TJP1: variants seen among roughly 807,000 people sequenced by gnomAD.
TJP1 encodes the protein tight junction protein 1, also known as tight junction protein ZO-1.
In TJP1, 43 loss-of-function variants were observed where a neutral mutation model predicts 194.2. That is an observed-to-expected ratio of 0.22 (90% CI 0.17 to 0.29). TJP1 has a LOEUF of 0.29. TJP1 is among the 10% of genes least tolerant of loss of function. TJP1 has a pLI of 1.00. For missense variants in TJP1, 1,971 were observed against 2,185.7 expected (o/e 0.90, Z 1.96); for synonymous variants, 801 against 779.0 (o/e 1.03, Z -0.47).
At chr15:29,725,070 T>G (rs549580689) in intron 18 of TJP1, among the ~76,000 whole-genome samples, 1 of 152,350 alleles carries the variant, frequency 6.6e-6, no homozygotes, top group African/African-American at 2.4e-5. Context: ...AGAATTGTGT[T>G]GCTATAGAAG....
At chr15:29,705,782 A>G in intron 25 of TJP1, 37 bp from the exon 26 acceptor site, 3 of 1,581,324 alleles carry the variant, frequency 1.9e-6, no homozygotes, top group Non-Finnish European at 2.6e-6. Flanking sequence ...TGAATTCCTA[A>G]TAATACACAG....
At chr15:29,910,183 C>A (rs1015977047) in intron 2 of TJP1, among the ~76,000 whole-genome samples, 1 of 152,176 alleles carries the variant, frequency 6.6e-6, no homozygotes, top group Non-Finnish European at 1.5e-5. Context: ...AAAACAATAG[C>A]CGGCAGTAGA....
chr15:29,720,103 A>T, intron 19 of TJP1, 87 bp from the exon 20 acceptor site: 1 of 1,484,988 alleles, frequency 6.7e-7, no homozygotes, highest in Non-Finnish European at 9.0e-7. Flanking sequence ...GTAGACATAC[A>T]TTTTAAGTGT....
chr15:29,739,805 G>A (rs1243281611), intron 10 of TJP1, among the ~76,000 whole-genome samples: 1 of 151,936 alleles, frequency 6.6e-6, no homozygotes, highest in Non-Finnish European at 1.5e-5. Flanking sequence ...AAGTTTTCAA[G>A]CAATTCCCAA....
rs571138566 is a variant in TJP1 at position 29,844,106 on chromosome 15, G to A, written c.307-43404C>T. On this transcript the variant is annotated intron_variant, in intron 2 of 28. Coordinates refer to the TJP1 transcript ENST00000356107. Reference sequence around the variant, plus strand: ...GTCGCCCAGGCTGGAGCCTTGAGACGGAGTCTCCCTCTGTCTCCCAGGCTG... The same window carrying A: ...GTCGCCCAGGCTGGAGCCTTGAGACAGAGTCTCCCTCTGTCTCCCAGGCTG... Among the ~76,000 whole-genome samples the A allele has an allele frequency of 1.3e-3, 194 of 152,224 alleles. 2 individuals carry two copies. The Middle Eastern group carries it at 0.024, about 19-fold the overall frequency.
chr15:29,805,533 T>C (rs949806787), intron 1 of TJP1, among the ~76,000 whole-genome samples: 13 of 152,134 alleles, frequency 8.5e-5, no homozygotes, highest in African/African-American at 3.1e-4. Context: ...CCATGTATCA[T>C]TCATTCATTC....
chr15:29,783,450 C>T (rs978821480), intron 2 of TJP1, among the ~76,000 whole-genome samples: 3 of 152,120 alleles, frequency 2.0e-5, no homozygotes, highest in Non-Finnish European at 4.4e-5. Flanking sequence ...AACTACCATT[C>T]GAGCCAGCAA....
intron 8 of TJP1, among the ~76,000 whole-genome samples, chr15:29,745,865 T>TA (rs1267963958): frequency 6.6e-6 from 1 of 152,190 alleles, no homozygotes; most frequent in Non-Finnish European, 1.5e-5. Flanking sequence ...CCTGATCTCT[T>TA]AATTATTAAA....
chr15:29,716,935 A>G, intron 22 of TJP1, 97 bp from the exon 23 acceptor site: 1 of 1,015,750 alleles, frequency 9.8e-7, no homozygotes, highest in Non-Finnish European at 1.4e-6. Flanking sequence ...AAAGGTCAAT[A>G]ATTACTAACT....
Position 29,716,699 on chromosome 15 carries a change from G to A in TJP1, c.4114C>T (p.Pro1372Ser), listed in dbSNP as rs752149056. Reference sequence around the variant, plus strand: ...AGATGGCTGGCGGCAATGTGTGCAGGAGGCTTATTCTCAAAACTTCTTCGG... The same window carrying A: ...AGATGGCTGGCGGCAATGTGTGCAGAAGGCTTATTCTCAAAACTTCTTCGG... ...FDRRSFENKP[P>S]AHIAASHLSE... Residue 1372 changes from proline to serine, a missense_variant, in exon 23 of 28, where the codon CCT becomes TCT. Pro to Ser is a moderately conservative substitution (Grantham distance 74). Coordinates refer to ENST00000614355, the MANE Select transcript of TJP1 (RefSeq NM_001330239.4). The A allele has an allele frequency of 2.5e-6, 4 of 1,614,114 alleles. No homozygotes were observed. The highest frequency in any genetic ancestry group is 3.4e-6 in the Non-Finnish European group (4 of 1,180,022).
At chr15:29,912,392 A>C (rs79076278) in intron 2 of TJP1, among the ~76,000 whole-genome samples, 10,089 of 152,236 alleles carry the variant, frequency 0.066, 630 homozygotes, top group African/African-American at 0.17. Context: ...ATTGTAGTGA[A>C]AAACAGAAAT....
intron 1 of TJP1, among the ~76,000 whole-genome samples, chr15:29,816,295 C>A (rs564225633): frequency 6.6e-6 from 1 of 152,218 alleles, no homozygotes; most frequent in South Asian, 2.1e-4. Flanking sequence ...TCCCAAAGTG[C>A]AGGGATTACA....
intron 1 of TJP1, among the ~76,000 whole-genome samples, chr15:29,815,963 C>T (rs957330175): frequency 1.3e-5 from 2 of 151,850 alleles, no homozygotes; most frequent in African/African-American, 2.4e-5. Flanking sequence ...TACTGCGTTA[C>T]AGCCCTCGAA....
chr15:29,937,158 T>A (rs1240873000), intron 2 of TJP1, among the ~76,000 whole-genome samples: 1 of 152,206 alleles, frequency 6.6e-6, no homozygotes, highest in Admixed American at 6.5e-5. Flanking sequence ...CCACATATTA[T>A]ACACAACATG....
chr15:29,949,754 T>TCCACCA (rs2055565428), intron 2 of TJP1, among the ~76,000 whole-genome samples: 1 of 63,538 alleles, frequency 1.6e-5, no homozygotes, highest in Non-Finnish European at 3.2e-5. Flanking sequence ...CACCTCCACT[T>TCCACCA]TCACCACCAC....
At chr15:29,706,161 A>T (rs2041884350) in intron 25 of TJP1, among the ~76,000 whole-genome samples, 1 of 152,122 alleles carries the variant, frequency 6.6e-6, no homozygotes, top group Non-Finnish European at 1.5e-5. Context: ...CAAACTCCTG[A>T]TCTCGTCGTG....
intron 1 of TJP1, among the ~76,000 whole-genome samples, chr15:29,961,992 C>T (rs899089896): frequency 2.0e-5 from 3 of 152,212 alleles, no homozygotes; most frequent in African/African-American, 7.2e-5. Flanking sequence ...AAGATATACA[C>T]CAATCCAACT....
chr15:29,765,841 G>C (rs890098343), intron 5 of TJP1, among the ~76,000 whole-genome samples: 1 of 152,186 alleles, frequency 6.6e-6, no homozygotes, highest in Admixed American at 6.5e-5. Flanking sequence ...GCAGGGAGCT[G>C]AGATTGTGCC....
At chr15:29,750,287 G>A (rs934617348) in intron 8 of TJP1, among the ~76,000 whole-genome samples, 11 of 152,146 alleles carry the variant, frequency 7.2e-5, no homozygotes, top group African/African-American at 2.7e-4. Flanking sequence ...ACAGGCGTGA[G>A]CCACCACGCC....
Sources: allele counts gnomAD v4.1 joint callset (sites outside exome capture counted in the v4.1 genomes callset), GRCh38; gene constraint gnomAD v4.1.1; transcripts MANE v1.5; gene names NCBI Gene and HGNC (gene_info 2026-07-23, HGNC 2026-07-21).